Variants in PTPRR observed in about 807,000 individuals in gnomAD.
The protein encoded by PTPRR is receptor-type tyrosine-protein phosphatase R.
In PTPRR, 38 loss-of-function variants were observed where a neutral mutation model predicts 77.2. That is an observed-to-expected ratio of 0.49 (90% CI 0.38 to 0.65). PTPRR has a LOEUF of 0.65. Among genes scored for constraint, PTPRR ranks in the 30% least tolerant of loss-of-function variants. The pLI, the probability that PTPRR is intolerant of heterozygous loss-of-function variation, is 0.00. For missense variants in PTPRR, 744 were observed against 799.2 expected, an observed-to-expected ratio of 0.93 and a Z score of 0.83; for synonymous variants, 299 against 283.1, an observed-to-expected ratio of 1.06 and a Z score of -0.57.
intron 2 of PTPRR, 81 bp downstream of exon 2, chr12:70,892,598 A>G (rs1441813007): frequency 3.1e-5 from 46 of 1,487,748 alleles, no homozygotes; most frequent in Non-Finnish European, 3.6e-5. Context: ...ACTATTCACA[A>G]TCAGTGTTTT....
chr12:70,702,799 T>C (rs1349722031), intron 6 of PTPRR, among the ~76,000 whole-genome samples: 2 of 152,214 alleles, frequency 1.3e-5, no homozygotes, highest in African/African-American at 2.4e-5. Context: ...TTTCTAGTTA[T>C]AGTTGTGGAA....
chr12:70,848,747 C>A (rs1892526077), intron 2 of PTPRR, among the ~76,000 whole-genome samples: 2 of 152,172 alleles, frequency 1.3e-5, no homozygotes, highest in South Asian at 4.1e-4. Flanking sequence ...AACAATCATT[C>A]ACAATTTAGA....
chr12:70,683,848 T>G (rs553215069), intron 10 of PTPRR, among the ~76,000 whole-genome samples: 1 of 152,208 alleles, frequency 6.6e-6, no homozygotes, highest in African/African-American at 2.4e-5. Context: ...AAGGTTTTAT[T>G]TATCTGCTTA....
At position 70,687,009 on chromosome 12, in the gene PTPRR, C is replaced by T. The variant is rs911390829; in HGVS notation, c.1280-2226G>A. On this transcript the variant is annotated intron_variant, in intron 8 of 13. Transcript: ENST00000283228. Reference sequence around the variant, plus strand: ...GTGATATCATGATCACTGTTATTGTCATTGCACTCATTGTTGACTCCTATA... The same window carrying T: ...GTGATATCATGATCACTGTTATTGTTATTGCACTCATTGTTGACTCCTATA... 2.6e-5 allele frequency among the ~76,000 whole-genome samples: 4 copies of T among 152,110 alleles called. No individual in the cohort carries two copies. In the East Asian group the frequency reaches 5.8e-4, roughly 22 times the overall value.
intron 2 of PTPRR, among the ~76,000 whole-genome samples, chr12:70,889,274 A>G (rs1267874770): frequency 6.6e-6 from 1 of 152,202 alleles, no homozygotes; most frequent in African/African-American, 2.4e-5. Context: ...ATTTATCCAC[A>G]TCACACAGTA....
intron 1 of PTPRR, among the ~76,000 whole-genome samples, chr12:70,897,915 C>T (rs928463774): frequency 6.0e-5 from 9 of 149,290 alleles, no homozygotes; most frequent in Middle Eastern, 3.5e-3. Context: ...AAAAACCAAA[C>T]ACCACATGTT....
chr12:70,776,854 A>AT (rs982285280), intron 2 of PTPRR, among the ~76,000 whole-genome samples: 1 of 152,008 alleles, frequency 6.6e-6, no homozygotes. Flanking sequence ...GGACTTTAGG[A>AT]TTTTTTGTTT....
chr12:70,694,425 G>A (rs1353608216), intron 8 of PTPRR, among the ~76,000 whole-genome samples: 1 of 152,020 alleles, frequency 6.6e-6, no homozygotes, highest in African/African-American at 2.4e-5. Flanking sequence ...ACAGTGGATT[G>A]GATAAAGAAA....
At chr12:70,916,209 A>G (rs1271645894) in intron 1 of PTPRR, among the ~76,000 whole-genome samples, 1 of 152,184 alleles carries the variant, frequency 6.6e-6, no homozygotes, top group Non-Finnish European at 1.5e-5. Context: ...ATATTTAATT[A>G]AAGTTCTAAA....
intron 2 of PTPRR, among the ~76,000 whole-genome samples, chr12:70,879,239 C>A (rs112111101): frequency 1.3e-5 from 2 of 151,978 alleles, no homozygotes; most frequent in African/African-American, 4.8e-5. Context: ...TACCCTAGAA[C>A]TTTAAGTATA....
chr12:70,819,879 G>T (rs978671524), intron 2 of PTPRR, among the ~76,000 whole-genome samples: 1 of 151,958 alleles, frequency 6.6e-6, no homozygotes, highest in African/African-American at 2.4e-5. Flanking sequence ...TATTTTCTGT[G>T]TTCAGTCTAA....
chr12:70,810,564 T>C (rs2137030175), intron 2 of PTPRR, among the ~76,000 whole-genome samples: 1 of 152,290 alleles, frequency 6.6e-6, no homozygotes, highest in Admixed American at 6.5e-5. Flanking sequence ...AATACTGAAT[T>C]AATGCAACGA....
intron 5 of PTPRR, among the ~76,000 whole-genome samples, chr12:70,751,691 A>G (rs1158970762): frequency 6.8e-6 from 1 of 146,946 alleles, no homozygotes; most frequent in Non-Finnish European, 1.5e-5. Context: ...AAATTAATAT[A>G]CTATTTTTTA....
At chr12:70,804,090 C>T (rs914192802) in intron 2 of PTPRR, among the ~76,000 whole-genome samples, 1 of 146,218 alleles carries the variant, frequency 6.8e-6, no homozygotes, top group African/African-American at 2.5e-5. Context: ...TGAGTGTCTT[C>T]TTAAATTTTT....
intron 2 of PTPRR, among the ~76,000 whole-genome samples, chr12:70,819,327 A>G (rs553816210): frequency 3.3e-5 from 5 of 152,342 alleles, no homozygotes; most frequent in Admixed American, 2.0e-4. Context: ...CAAACAAGAA[A>G]GAATAAAGAG....
At chr12:70,697,342 C>T (rs1888264302) in intron 8 of PTPRR, among the ~76,000 whole-genome samples, 2 of 152,028 alleles carry the variant, frequency 1.3e-5, no homozygotes, top group South Asian at 4.1e-4. Context: ...TTTTAATATG[C>T]TTGTTGGTCA....
intron 3 of PTPRR, among the ~76,000 whole-genome samples, chr12:70,763,643 G>C (rs2136965053): frequency 6.6e-6 from 1 of 152,288 alleles, no homozygotes; most frequent in Admixed American, 6.5e-5. Context: ...GAATGCAGAT[G>C]GGTGCAATAG....
chr12:70,683,390 G>A (rs1325716263), intron 10 of PTPRR, among the ~76,000 whole-genome samples: 1 of 152,100 alleles, frequency 6.6e-6, no homozygotes, highest in Non-Finnish European at 1.5e-5. Context: ...TATTCTGCAA[G>A]CTAAATCCTT....
intron 2 of PTPRR, among the ~76,000 whole-genome samples, chr12:70,841,321 CAGTGT>C (rs1237461935): frequency 3.3e-5 from 5 of 152,256 alleles, no homozygotes; most frequent in Middle Eastern, 3.4e-3. Context: ...TTAAATTTAT[CAGTGT>C]AGTGTGGGCA....
Sources: allele counts gnomAD v4.1 joint callset (sites outside exome capture counted in the v4.1 genomes callset), GRCh38; gene constraint gnomAD v4.1.1; transcripts MANE v1.5; gene names NCBI Gene and HGNC (gene_info 2026-07-23, HGNC 2026-07-21).